Variants in C10orf67 observed in about 807,000 individuals in gnomAD.
The protein encoded by C10orf67 is uncharacterized protein C10orf67, mitochondrial.
Under a neutral mutation model 35.6 loss-of-function variants are expected in C10orf67, and 60 were observed. The ratio of observed to expected loss-of-function variants is 1.68; its 90% CI spans 1.37 to 2.09. The LOEUF (loss-of-function observed/expected upper bound fraction) is 2.09, where lower values mean the gene tolerates loss of function less well. C10orf67 is among the 30% of genes most tolerant of loss of function. The pLI, the probability that C10orf67 is intolerant of heterozygous loss-of-function variation, is 0.00. For missense variants in C10orf67, 474 were observed against 330.2 expected (o/e 1.44, Z -3.38); for synonymous variants, 167 against 115.8 (o/e 1.44, Z -2.84).
At chr10:23,232,292 C>T (rs931018511) in intron 13 of C10orf67, among the ~76,000 whole-genome samples, 5 of 151,906 alleles carry the variant, frequency 3.3e-5, no homozygotes, top group African/African-American at 9.7e-5. Flanking sequence ...TAGACTTGAC[C>T]CCAAATTAAG....
chr10:23,256,281 G>C (rs551277534), intron 10 of C10orf67, among the ~76,000 whole-genome samples: 16 of 152,194 alleles, frequency 1.1e-4, no homozygotes, highest in Admixed American at 5.2e-4. Flanking sequence ...GAATATTACA[G>C]GCATGAGCTT....
chr10:23,330,035 T>A (rs970972757), intron 2 of C10orf67, among the ~76,000 whole-genome samples: 2 of 152,210 alleles, frequency 1.3e-5, no homozygotes, highest in Non-Finnish European at 2.9e-5. Context: ...ATCATCTCAA[T>A]AAGTCCATGA....
At chr10:23,276,283 C>A (rs529861537) in intron 8 of C10orf67, among the ~76,000 whole-genome samples, 2 of 152,268 alleles carry the variant, frequency 1.3e-5, no homozygotes, top group East Asian at 3.9e-4. Context: ...GCTCCTTCCT[C>A]AACTCTGTTG....
At position 23,333,043 on chromosome 10, in the gene C10orf67, A is replaced by G. The variant is rs56268420; in HGVS notation, c.327+19T>C. ...CGCCAAAAATTATCTCAGAAGTTTC[A>G]GAACAAATTCAGATTTACCTGTGCT... is the stretch of plus-strand genomic sequence containing the variant. On this transcript the variant is annotated intron_variant, in intron 2 of 15. Coordinates refer to ENST00000636213, the MANE Select transcript of C10orf67 (RefSeq NM_001371909.1). 23,662 of 1,604,836 alleles carry G rather than the reference A, an allele frequency of 0.015. 273 individuals are homozygous for G. The highest frequency in any genetic ancestry group is 0.045 in the Middle Eastern group (270 of 5,996).
chr10:23,213,777 G>A (rs558140838), intron 15 of C10orf67, among the ~76,000 whole-genome samples: 1 of 152,050 alleles, frequency 6.6e-6, no homozygotes, highest in South Asian at 2.1e-4. Flanking sequence ...CAACCTAAAA[G>A]AAAGCAAGAA....
chr10:23,318,902 G>A (rs778501886), intron 4 of C10orf67: 1 of 777,850 alleles, frequency 1.3e-6, no homozygotes. Context: ...GTATCTCAAT[G>A]TTTGGTTTCA....
At chr10:23,300,954 C>A (rs1290284305) in intron 5 of C10orf67, among the ~76,000 whole-genome samples, 1 of 152,220 alleles carries the variant, frequency 6.6e-6, no homozygotes, top group Non-Finnish European at 1.5e-5. Context: ...TGTATCTGTC[C>A]ATGTCAGATC....
At chr10:23,341,651 G>A (rs141585125) in intron 1 of C10orf67, among the ~76,000 whole-genome samples, 6 of 152,162 alleles carry the variant, frequency 3.9e-5, no homozygotes, top group African/African-American at 1.2e-4. Flanking sequence ...CACAGGCACC[G>A]TCCCCCTTCC....
chr10:23,223,511 C>A, intron 15 of C10orf67, 87 bp downstream of exon 15: 2 of 704,648 alleles, frequency 2.8e-6, no homozygotes, highest in South Asian at 3.1e-5. Flanking sequence ...ATACCAAATA[C>A]CTCAGGGTAA....
chr10:23,229,645 T>C (rs1033693393), intron 13 of C10orf67, among the ~76,000 whole-genome samples: 1 of 152,040 alleles, frequency 6.6e-6, no homozygotes, highest in Non-Finnish European at 1.5e-5. Context: ...GAAGATACAA[T>C]TATAAAATTG....
chr10:23,246,979 C>T (rs1842333089), intron 12 of C10orf67, among the ~76,000 whole-genome samples: 1 of 151,900 alleles, frequency 6.6e-6, no homozygotes, highest in South Asian at 2.1e-4. Context: ...GTGTGCACCA[C>T]CACGTGAAAA....
chr10:23,304,752 G>C (rs112758717), intron 4 of C10orf67, among the ~76,000 whole-genome samples: 190 of 152,192 alleles, frequency 1.2e-3, no homozygotes, highest in African/African-American at 4.4e-3. Context: ...CACTACAAGG[G>C]ACCTGAAGGA....
chr10:23,333,311 G>A, intron 1 of C10orf67, 129 bp from the exon 2 acceptor site: 1 of 764,290 alleles, frequency 1.3e-6, no homozygotes, highest in Non-Finnish European at 2.0e-6. Context: ...AGGTGAGGAA[G>A]CCTCTGAATT....
chr10:23,224,606 T>A (rs1413114742), intron 13 of C10orf67, among the ~76,000 whole-genome samples: 1 of 152,126 alleles, frequency 6.6e-6, no homozygotes, highest in African/African-American at 2.4e-5. Flanking sequence ...TTAGAACCCA[T>A]CGCAAAGAAG....
intron 4 of C10orf67, among the ~76,000 whole-genome samples, chr10:23,309,698 C>T (rs1416569089): frequency 6.6e-6 from 1 of 152,170 alleles, no homozygotes; most frequent in Non-Finnish European, 1.5e-5. Context: ...CCCTGGGAAA[C>T]TCATTTAAAA....
At chr10:23,287,954 A>G (rs1365247090) in intron 7 of C10orf67, among the ~76,000 whole-genome samples, 1 of 152,236 alleles carries the variant, frequency 6.6e-6, no homozygotes. Flanking sequence ...GCGATTATTA[A>G]AAAGTCAGGA....
chr10:23,305,307 G>GA, intron 4 of C10orf67, among the ~76,000 whole-genome samples: 1 of 152,094 alleles, frequency 6.6e-6, no homozygotes. Context: ...AACAAATCAA[G>GA]AAAAACAATG....
chr10:23,214,310 A>G (rs1053665052), intron 15 of C10orf67, among the ~76,000 whole-genome samples: 7 of 152,168 alleles, frequency 4.6e-5, no homozygotes, highest in Admixed American at 4.6e-4. Context: ...TACCAAATTA[A>G]TAAGACGAGC....
At chr10:23,219,423 T>C (rs1462863052) in intron 15 of C10orf67, among the ~76,000 whole-genome samples, 1 of 152,232 alleles carries the variant, frequency 6.6e-6, no homozygotes, top group Admixed American at 6.5e-5. Context: ...GAGAAAGGTC[T>C]TCTTGAGTAC....
Sources: gnomAD v4.1 joint callset for allele counts (sites outside exome capture counted in the v4.1 genomes callset) on GRCh38, gnomAD v4.1.1 for gene constraint, MANE v1.5 for transcripts, NCBI Gene and HGNC (gene_info 2026-07-23, HGNC 2026-07-21) for gene names.